The following GLDN variants were observed in gnomAD, a reference collection of about 807,000 sequenced individuals.
GLDN encodes the protein collomin.
Under a neutral mutation model 56.5 loss-of-function variants are expected in GLDN, and 47 were observed. That is an observed-to-expected ratio of 0.83 (90% CI 0.66 to 1.06). The LOEUF is 1.06. GLDN is among the 50% of genes least tolerant of loss of function. The probability of loss-of-function intolerance (pLI) is 0.00; values close to 1 mark genes in which losing one functional copy is unlikely to be tolerated. For missense variants in GLDN, 782 were observed against 714.3 expected, an observed-to-expected ratio of 1.09 and a Z score of -1.08; for synonymous variants, 332 against 278.8, an observed-to-expected ratio of 1.19 and a Z score of -1.90.
Position 51,397,561 on chromosome 15 carries a change from C to G in GLDN, c.780C>G (p.Gly260=), listed in dbSNP as rs746201596. ...PGPPGSRRAK[G]PRQPSMFNGQ... Reference sequence around the variant, plus strand: ...CCCCTGGAAGCAGAAGAGCCAAAGGCCCTCGGCAGCCAAGCATGTTCAACG... The same window carrying G: ...CCCCTGGAAGCAGAAGAGCCAAAGGGCCTCGGCAGCCAAGCATGTTCAACG... The change falls in exon 6 of 10, where the codon GGC becomes GGG. Residue 260 remains glycine (G), a synonymous_variant. Transcript: ENST00000335449. The G allele has an allele frequency of 5.0e-6, 8 of 1,602,506 alleles. No individual in the cohort carries two copies. The South Asian group carries it at 9.0e-5, about 18-fold the overall frequency.
At chr15:51,394,637 A>C (rs1052751112) in intron 4 of GLDN, among the ~76,000 whole-genome samples, 198 bp from the exon 5 acceptor site, 4 of 152,086 alleles carry the variant, frequency 2.6e-5, no homozygotes, top group Non-Finnish European at 4.4e-5. Context: ...TAAATAAATA[A>C]ATAATCCAGC....
intron 1 of GLDN, chr15:51,360,224 C>G (rs971466719): frequency 6.6e-6 from 1 of 152,172 alleles, no homozygotes; most frequent in Admixed American, 6.5e-5. Context: ...AAGGCCTCCA[C>G]CTTAGTCATG....
At chr15:51,358,759 T>G (rs993323290) in intron 1 of GLDN, among the ~76,000 whole-genome samples, 1 of 152,126 alleles carries the variant, frequency 6.6e-6, no homozygotes, top group Non-Finnish European at 1.5e-5. Flanking sequence ...CTGGGACCAA[T>G]TTGACCCTCA....
chr15:51,348,387 C>T (rs2037017054), intron 1 of GLDN, among the ~76,000 whole-genome samples: 1 of 151,908 alleles, frequency 6.6e-6, no homozygotes, highest in Non-Finnish European at 1.5e-5. Flanking sequence ...AGCTGGAGTG[C>T]AGTGGAGTGA....
intron 1 of GLDN, among the ~76,000 whole-genome samples, chr15:51,369,721 C>T (rs923103265): frequency 1.3e-5 from 2 of 152,164 alleles, no homozygotes; most frequent in African/African-American, 4.8e-5. Context: ...TTTTAAATTA[C>T]ACATCTATTA....
chr15:51,377,372 T>C (rs2037655076), intron 1 of GLDN, 77 bp from the exon 2 acceptor site: 12 of 1,254,274 alleles, frequency 9.6e-6, no homozygotes, highest in Non-Finnish European at 1.4e-5. Flanking sequence ...TATGATTGCT[T>C]TCTGCTCGTC....
At chr15:51,363,358 C>A (rs1312963124) in intron 1 of GLDN, among the ~76,000 whole-genome samples, 1 of 152,154 alleles carries the variant, frequency 6.6e-6, no homozygotes, top group East Asian at 1.9e-4. Context: ...CTTTTGTGCC[C>A]ACAGATTTTG....
rs768552991 is a variant in GLDN, at chr15:51,395,000, G to A, written c.688+19G>A. On this transcript the variant is annotated intron_variant, in intron 5 of 9. Coordinates refer to ENST00000335449, the MANE Select transcript of GLDN (RefSeq NM_181789.4). Reference sequence around the variant, plus strand: ...CTGGCAGGTAAGAGGGGTACGCTGTGGCTCTCTTTGAGGGCTTGTGCGCCC... The same window carrying A: ...CTGGCAGGTAAGAGGGGTACGCTGTAGCTCTCTTTGAGGGCTTGTGCGCCC... The A allele has an allele frequency of 8.3e-6, 13 of 1,558,668 alleles. No homozygotes were observed. The African/African-American group carries it at 1.7e-4, about 20-fold the overall frequency.
At chr15:51,349,043 G>A (rs570915010) in intron 1 of GLDN, among the ~76,000 whole-genome samples, 107 of 152,298 alleles carry the variant, frequency 7.0e-4, no homozygotes, top group African/African-American at 2.0e-3. Context: ...TTCGGTGGAC[G>A]GAGATTTCCT....
chr15:51,377,946 C>G (rs1306712642), intron 2 of GLDN, among the ~76,000 whole-genome samples: 1 of 152,166 alleles, frequency 6.6e-6, no homozygotes, highest in East Asian at 1.9e-4. Context: ...TACCATGAGA[C>G]CTTGAAGCCA....
At chr15:51,386,498 C>A (rs551155201) in intron 4 of GLDN, among the ~76,000 whole-genome samples, 2 of 152,308 alleles carry the variant, frequency 1.3e-5, no homozygotes, top group African/African-American at 2.4e-5. Context: ...GGACCAGAGG[C>A]AGCAGGGCCA....
downstream of GLDN, among the ~76,000 whole-genome samples, chr15:51,412,209 T>C (rs1233052321): frequency 2.0e-5 from 3 of 152,232 alleles, no homozygotes; most frequent in African/African-American, 7.2e-5. Context: ...TTGTAAGTGG[T>C]GAAGTTGGGA....
intron 4 of GLDN, among the ~76,000 whole-genome samples, chr15:51,390,522 C>T (rs1245416889): frequency 6.6e-6 from 1 of 152,210 alleles, no homozygotes; most frequent in African/African-American, 2.4e-5. Context: ...GTTAATGCTG[C>T]AGTATCTTCT....
chr15:51,356,010 A>G (rs1014349436), intron 1 of GLDN, among the ~76,000 whole-genome samples: 2 of 149,570 alleles, frequency 1.3e-5, no homozygotes, highest in African/African-American at 2.4e-5. Context: ...GATCGAGACC[A>G]TCCTGGCTAA....
chr15:51,345,974 C>T (rs2036971269), intron 1 of GLDN, among the ~76,000 whole-genome samples: 1 of 152,134 alleles, frequency 6.6e-6, no homozygotes, highest in South Asian at 2.1e-4. Flanking sequence ...AAAAGATGTG[C>T]AAAACCTGTG....
chr15:51,367,650 C>T (rs1403459568), intron 1 of GLDN, among the ~76,000 whole-genome samples: 1 of 152,154 alleles, frequency 6.6e-6, no homozygotes, highest in Non-Finnish European at 1.5e-5. Context: ...GGCAGGCTGG[C>T]GTCCATCCCC....
At chr15:51,402,477 G>A (rs1167292767) in intron 9 of GLDN, among the ~76,000 whole-genome samples, 1 of 152,184 alleles carries the variant, frequency 6.6e-6, no homozygotes. Flanking sequence ...TATGGCCTTG[G>A]ACAAGAGACA....
chr15:51,391,835 TC>T (rs994341214), intron 4 of GLDN, among the ~76,000 whole-genome samples: 35 of 152,206 alleles, frequency 2.3e-4, no homozygotes, highest in African/African-American at 8.2e-4. Context: ...TCTACTGTGC[TC>T]CCCCAGTTCC....
chr15:51,364,199 T>C (rs2037357378), intron 1 of GLDN, among the ~76,000 whole-genome samples: 1 of 152,216 alleles, frequency 6.6e-6, no homozygotes, highest in African/African-American at 2.4e-5. Context: ...TGGACTCTAA[T>C]TACACGGGTA....
Sources: allele counts gnomAD v4.1 joint callset (sites outside exome capture counted in the v4.1 genomes callset), GRCh38; gene constraint gnomAD v4.1.1; transcripts MANE v1.5; gene names NCBI Gene and HGNC (gene_info 2026-07-23, HGNC 2026-07-21).